STPG2: variants seen among roughly 807,000 people sequenced by gnomAD.
STPG2 encodes sperm tail PG-rich repeat containing 2.
Under a neutral mutation model 54.2 loss-of-function variants are expected in STPG2, and 56 were observed. That is an observed-to-expected ratio of 1.03 (90% confidence interval 0.83 to 1.29). STPG2 has a LOEUF of 1.29. STPG2 is among the 50% of genes most tolerant of loss of function. The pLI, the probability that STPG2 is intolerant of heterozygous loss-of-function variation, is 0.00. For missense variants in STPG2, 596 were observed against 544.9 expected, an observed-to-expected ratio of 1.09 and a Z score of -0.93; for synonymous variants, 200 against 181.8, an observed-to-expected ratio of 1.10 and a Z score of -0.81.
chr4:97,478,937 A>G (rs9996520), intron 4 of STPG2, among the ~76,000 whole-genome samples: 7,522 of 150,148 alleles, frequency 0.05, 229 homozygotes, highest in Middle Eastern at 0.065. Context: ...TATGTGAAAG[A>G]CCAGGCAATA....
chr4:97,669,127 T>C (rs1022359358), intron 10 of STPG2, among the ~76,000 whole-genome samples: 2 of 152,188 alleles, frequency 1.3e-5, no homozygotes, highest in Non-Finnish European at 2.9e-5. Flanking sequence ...ACTAGCCAAA[T>C]GTATTTTAAG....
intron 9 of STPG2, among the ~76,000 whole-genome samples, chr4:97,836,788 A>G (rs561959419): frequency 3.4e-4 from 51 of 151,142 alleles, no homozygotes; most frequent in Non-Finnish European, 5.2e-4. Flanking sequence ...AAACAAGAAT[A>G]TTTACTGTAT....
At chr4:97,443,660 C>T (rs149461272) in intron 4 of STPG2, among the ~76,000 whole-genome samples, 3 of 152,046 alleles carry the variant, frequency 2.0e-5, no homozygotes, top group African/African-American at 7.2e-5. Flanking sequence ...TGGACAGGCA[C>T]AATCCCACAC....
intron 8 of STPG2, among the ~76,000 whole-genome samples, chr4:97,899,599 G>GTGTGGTA (rs1302244029): frequency 1.3e-5 from 2 of 149,698 alleles, no homozygotes; most frequent in Non-Finnish European, 3.0e-5. Context: ...AACCAAAACA[G>GTGTGGTA]TGTGGTAATA....
intron 5 of STPG2, among the ~76,000 whole-genome samples, chr4:98,014,122 C>T (rs557381099): frequency 1.2e-3 from 185 of 152,158 alleles, no homozygotes; most frequent in African/African-American, 4.3e-3. Flanking sequence ...TATAAATTTC[C>T]CTCTTAATAC....
chr4:97,925,238 A>G (rs745653398), intron 8 of STPG2, among the ~76,000 whole-genome samples: 5 of 152,214 alleles, frequency 3.3e-5, no homozygotes, highest in African/African-American at 4.8e-5. Context: ...TTAAGTTGTT[A>G]GAATCTGGTT....
chr4:97,624,852 T>G (rs1407558624), intron 10 of STPG2, among the ~76,000 whole-genome samples: 1 of 152,192 alleles, frequency 6.6e-6, no homozygotes, highest in Non-Finnish European at 1.5e-5. Context: ...TAGCCAGTTC[T>G]CCCAGCACCG....
intron 10 of STPG2, among the ~76,000 whole-genome samples, chr4:97,632,980 A>G (rs1721341797): frequency 6.6e-6 from 1 of 152,108 alleles, no homozygotes; most frequent in South Asian, 2.1e-4. Context: ...GATAGATGGC[A>G]GGTAGGTAGG....
chr4:97,561,422 C>A (rs1166850117), intron 10 of STPG2, among the ~76,000 whole-genome samples: 1 of 152,114 alleles, frequency 6.6e-6, no homozygotes, highest in East Asian at 1.9e-4. Flanking sequence ...ATGGTAGTTT[C>A]TTTTGCTGTG....
chr4:97,598,767 C>A (rs1733374635), intron 10 of STPG2, among the ~76,000 whole-genome samples: 1 of 151,990 alleles, frequency 6.6e-6, no homozygotes, highest in Admixed American at 6.6e-5. Flanking sequence ...ATAGAAAAGT[C>A]AACTCAAGAT....
At chr4:97,488,291 T>A (rs897004989) in intron 4 of STPG2, among the ~76,000 whole-genome samples, 2 of 151,748 alleles carry the variant, frequency 1.3e-5, no homozygotes, top group African/African-American at 4.8e-5. Flanking sequence ...CTATTTTCCA[T>A]GTGCTAGACA....
chr4:97,968,722 G>A (rs914499678), intron 7 of STPG2, among the ~76,000 whole-genome samples: 3 of 152,184 alleles, frequency 2.0e-5, no homozygotes, highest in Non-Finnish European at 4.4e-5. Flanking sequence ...AAAGGCCTTT[G>A]ACAAAATTCA....
chr4:97,753,925 T>TCA (rs1725656163), intron 9 of STPG2, among the ~76,000 whole-genome samples: 1 of 152,066 alleles, frequency 6.6e-6, no homozygotes. Context: ...TAATTCTTTA[T>TCA]CAGATATATG....
chr4:97,693,674 T>C (rs2148991046), intron 10 of STPG2, among the ~76,000 whole-genome samples: 1 of 152,280 alleles, frequency 6.6e-6, no homozygotes, highest in Non-Finnish European at 1.5e-5. Context: ...ACTTAACAGA[T>C]ATTTATACAA....
intron 10 of STPG2, among the ~76,000 whole-genome samples, chr4:97,680,777 T>C (rs547891998): frequency 4.9e-5 from 7 of 142,972 alleles, no homozygotes; most frequent in East Asian, 4.0e-4. Context: ...GTCTGTCTTA[T>C]CAGAAAAGGT....
intron 5 of STPG2, among the ~76,000 whole-genome samples, chr4:97,989,511 TAATAA>T (rs1734945303): frequency 6.6e-6 from 1 of 152,124 alleles, no homozygotes; most frequent in Non-Finnish European, 1.5e-5. Context: ...TAACAATAAT[TAATAA>T]AATAGAACAA....
At chr4:97,580,341 A>C (rs1009447559) in intron 10 of STPG2, among the ~76,000 whole-genome samples, 1 of 151,972 alleles carries the variant, frequency 6.6e-6, no homozygotes, top group Non-Finnish European at 1.5e-5. Context: ...TAATATTATC[A>C]CTGCTATAGA....
intron 5 of STPG2, among the ~76,000 whole-genome samples, chr4:98,101,513 A>C (rs1166765222): frequency 1.3e-5 from 2 of 151,552 alleles, no homozygotes; most frequent in African/African-American, 2.4e-5. Context: ...TCCCAGAAAG[A>C]AAAAAAAAGA....
intron 9 of STPG2, among the ~76,000 whole-genome samples, chr4:97,748,858 C>CA (rs1162855776): frequency 6.6e-6 from 1 of 151,468 alleles, no homozygotes; most frequent in Non-Finnish European, 1.5e-5. Context: ...TAGATTTGTA[C>CA]AAAAATGGGT....
Sources: allele counts gnomAD v4.1 joint callset (sites outside exome capture counted in the v4.1 genomes callset), GRCh38; gene constraint gnomAD v4.1.1; transcripts MANE v1.5; gene names NCBI Gene and HGNC (gene_info 2026-07-23, HGNC 2026-07-21).